The following ADK variants were observed in gnomAD, a reference collection of about 807,000 sequenced individuals.
The protein encoded by ADK is adenosine kinase, also known as N6,N6-dimethyladenosine kinase.
A neutral mutation model predicts 44.7 loss-of-function variants in ADK; 24 were observed. The ratio of observed to expected loss-of-function variants is 0.54; its 90% CI spans 0.39 to 0.76. The LOEUF is 0.76. Ranked by LOEUF, ADK falls within the 30% of genes least tolerant of loss-of-function variation. The pLI, the probability that ADK is intolerant of heterozygous loss-of-function variation, is 0.00. For synonymous variants in ADK, 128 were observed against 142.6 expected (o/e 0.90, Z 0.73); for missense variants, 321 against 425.1 (o/e 0.76, Z 2.15).
rs11819334 is a variant in ADK, at chr10:74,338,293, A to G, written c.273+23548A>G. Among the ~76,000 whole-genome samples the G allele has an allele frequency of 5.2e-3, 796 of 152,356 alleles. 12 individuals are homozygous for G. Among genetic ancestry groups the G allele is most frequent in the African/African-American group, 0.017 (722 of 41,582 alleles). ...AAGTAAAAACTGGTGAGAATACAGA[A>G]TGAATGGATTTCTCATCTGTTGCTG... On this transcript the variant is annotated intron_variant, in intron 4 of 10. Transcript: ENST00000539909.
At chr10:74,562,893 C>A (rs1307617850) in intron 7 of ADK, among the ~76,000 whole-genome samples, 1 of 151,534 alleles carries the variant, frequency 6.6e-6, no homozygotes, top group African/African-American at 2.4e-5. Flanking sequence ...TTCAGTTTTA[C>A]AATCAACAAA....
chr10:74,176,910 A>G, intron 1 of ADK: 2 of 1,609,774 alleles, frequency 1.2e-6, no homozygotes, highest in Non-Finnish European at 1.7e-6. Context: ...GGCTGCCTTG[A>G]CTGCTCCGAG....
chr10:74,317,695 C>T (rs2131812890), intron 4 of ADK, among the ~76,000 whole-genome samples: 1 of 152,242 alleles, frequency 6.6e-6, no homozygotes, highest in African/African-American at 2.4e-5. Flanking sequence ...AAGGAATGCC[C>T]ATCTCTGATT....
chr10:74,524,034 C>T (rs192791888), intron 6 of ADK, among the ~76,000 whole-genome samples: 142 of 152,316 alleles, frequency 9.3e-4, no homozygotes, highest in African/African-American at 3.2e-3. Context: ...CCTTTGTATT[C>T]TTAACTTCGC....
At chr10:74,328,526 A>G (rs529230476) in intron 4 of ADK, among the ~76,000 whole-genome samples, 1 of 152,136 alleles carries the variant, frequency 6.6e-6, no homozygotes, top group African/African-American at 2.4e-5. Context: ...TCTAGTTGTA[A>G]TCCCCATAAT....
chr10:74,520,501 G>A (rs1848771963), intron 6 of ADK, among the ~76,000 whole-genome samples: 2 of 151,142 alleles, frequency 1.3e-5, no homozygotes, highest in South Asian at 2.1e-4. Context: ...TCACATAATT[G>A]GTAATAGAAA....
chr10:74,409,205 G>A (rs1435759703), intron 6 of ADK, among the ~76,000 whole-genome samples: 3 of 152,044 alleles, frequency 2.0e-5, no homozygotes, highest in South Asian at 2.1e-4. Flanking sequence ...AAATCTATGC[G>A]TTATTTCAAA....
intron 9 of ADK, among the ~76,000 whole-genome samples, chr10:74,614,455 C>G (rs1219694277): frequency 6.6e-6 from 1 of 152,070 alleles, no homozygotes; most frequent in Admixed American, 6.6e-5. Context: ...AAAATTGATA[C>G]AACTTTTCAT....
intron 1 of ADK, among the ~76,000 whole-genome samples, chr10:74,172,156 T>A (rs909930522): frequency 1.1e-4 from 14 of 128,410 alleles, no homozygotes; most frequent in African/African-American, 3.0e-4. Flanking sequence ...TTTTTTTTTT[T>A]AAGACAGGGT....
At chr10:74,470,517 T>G (rs1048651042) in intron 6 of ADK, among the ~76,000 whole-genome samples, 10 of 59,292 alleles carry the variant, frequency 1.7e-4, no homozygotes, top group South Asian at 1.2e-3. Context: ...CATAGTGTTT[T>G]CATAGTGGCT....
intron 6 of ADK, among the ~76,000 whole-genome samples, chr10:74,409,326 A>G (rs1292974122): frequency 6.6e-6 from 1 of 152,226 alleles, no homozygotes; most frequent in Non-Finnish European, 1.5e-5. Flanking sequence ...AACTTTAGGT[A>G]TTAAAAAGAT....
intron 6 of ADK, among the ~76,000 whole-genome samples, chr10:74,400,309 G>A (rs545315776): frequency 6.6e-6 from 1 of 152,218 alleles, no homozygotes; most frequent in African/African-American, 2.4e-5. Flanking sequence ...ACATTGCCAG[G>A]TAAATCTGTA....
intron 3 of ADK, among the ~76,000 whole-genome samples, chr10:74,281,017 A>G: frequency 6.6e-6 from 1 of 152,218 alleles, no homozygotes; most frequent in East Asian, 1.9e-4. Flanking sequence ...CCATAATTTG[A>G]AAATTTGAAA....
intron 10 of ADK, among the ~76,000 whole-genome samples, chr10:74,675,028 T>G (rs1479807849): frequency 6.6e-6 from 1 of 152,206 alleles, no homozygotes; most frequent in East Asian, 1.9e-4. Flanking sequence ...TTCTTTCTGA[T>G]TGACACATTC....
intron 6 of ADK, among the ~76,000 whole-genome samples, chr10:74,418,816 C>T (rs1285656485): frequency 6.6e-6 from 1 of 152,138 alleles, no homozygotes; most frequent in Non-Finnish European, 1.5e-5. Flanking sequence ...TTGAATTAAC[C>T]TATTGTAGAA....
chr10:74,294,929 C>T (rs1452306675), intron 3 of ADK, among the ~76,000 whole-genome samples: 1 of 152,022 alleles, frequency 6.6e-6, no homozygotes, highest in Non-Finnish European at 1.5e-5. Flanking sequence ...GATCTCGGCT[C>T]ACTGCAGCCT....
chr10:74,550,245 ATTC>A (rs2133775552), intron 7 of ADK, among the ~76,000 whole-genome samples: 1 of 151,826 alleles, frequency 6.6e-6, no homozygotes, highest in African/African-American at 2.4e-5. Context: ...TAATTTTTGT[ATTC>A]TTAGTAGAGA....
rs953654369 is a variant in ADK, at chr10:74,607,845, C to A, written c.877+7352C>A. On this transcript the variant is annotated intron_variant, in intron 9 of 10. Transcript: ENST00000539909. Reference sequence around the variant, plus strand: ...GAGTGTTTTCCAACTTGGTTCCATTCTCCCCATCACTTTCAGGTACACCAA... The same window carrying A: ...GAGTGTTTTCCAACTTGGTTCCATTATCCCCATCACTTTCAGGTACACCAA... 5.3e-5 allele frequency among the ~76,000 whole-genome samples: 8 copies of A among 151,390 alleles called. No individual in the cohort carries two copies. The East Asian group carries it at 1.5e-3, about 29-fold the overall frequency.
chr10:74,405,973 A>G (rs566087703), intron 6 of ADK, among the ~76,000 whole-genome samples: 1 of 152,044 alleles, frequency 6.6e-6, no homozygotes, highest in South Asian at 2.1e-4. Flanking sequence ...GTTCTCTGAT[A>G]TTGTGGTCTT....
Sources: gnomAD v4.1 joint callset for allele counts (sites outside exome capture counted in the v4.1 genomes callset) on GRCh38, gnomAD v4.1.1 for gene constraint, MANE v1.5 for transcripts, NCBI Gene and HGNC (gene_info 2026-07-23, HGNC 2026-07-21) for gene names.